LDLRAD2: variants seen among roughly 807,000 people sequenced by gnomAD.
LDLRAD2 encodes low-density lipoprotein receptor class A domain-containing protein 2.
LDLRAD2 carries 25 observed loss-of-function variants against 24.9 expected under a neutral mutation model. The observed-to-expected ratio is 1.00, with a 90% CI of 0.73 to 1.40. LDLRAD2 has a LOEUF of 1.40. Among genes scored for constraint, LDLRAD2 ranks in the 40% most tolerant of loss-of-function variants. LDLRAD2 has a pLI of 0.00. For missense variants in LDLRAD2, 391 were observed against 366.2 expected (o/e 1.07, Z -0.55); for synonymous variants, 182 against 166.7 (o/e 1.09, Z -0.71).
intron 3 of LDLRAD2, among the ~76,000 whole-genome samples, chr1:21,819,060 C>G (rs1318321594): frequency 6.6e-6 from 1 of 151,756 alleles, no homozygotes; most frequent in African/African-American, 2.4e-5. Context: ...TTAAGTTCTT[C>G]CCTGACTCCT....
rs1047051210 is a variant in LDLRAD2 at position 21,824,720 on chromosome 1, G to A, written c.*2505G>A. On this transcript the variant is annotated 3_prime_UTR_variant, in exon 5 of 5. Coordinates refer to ENST00000344642, the MANE Select transcript of LDLRAD2 (RefSeq NM_001013693.3). The surrounding 1 kb of genome is among the most constrained non-coding windows in gnomAD (Gnocchi z 5.9). ...CAGTCTCACCTCCTGGAGAAGACAT[G>A]GCCAGGGAAGGCGAGGAAGCCATCA... The A allele has an allele frequency of 6.2e-7, 1 of 1,613,702 alleles. No homozygotes were observed. Among genetic ancestry groups the A allele is most frequent in the Non-Finnish European group, 8.5e-7 (1 of 1,179,856 alleles).
At chr1:21,819,969 G>A (rs2152678917) in intron 3 of LDLRAD2, among the ~76,000 whole-genome samples, 1 of 152,192 alleles carries the variant, frequency 6.6e-6, no homozygotes, top group East Asian at 1.9e-4. Flanking sequence ...TGAGTGGGGA[G>A]GCACTGCACA....
Position 21,824,028 on chromosome 1 carries a change from G to T in LDLRAD2, c.*1813G>T. The stretch of plus-strand genomic sequence containing the variant: ...TGGCTTCAAGTTCTGTCTCCACAGA[G>T]CTCAATACCTGCCTCTCTGCCCATG... On this transcript the variant is annotated 3_prime_UTR_variant, in exon 5 of 5. Coordinates refer to ENST00000344642, the MANE Select transcript of LDLRAD2 (RefSeq NM_001013693.3). The surrounding 1 kb of genome is among the most constrained non-coding windows in gnomAD (Gnocchi z 5.9). The T allele has an allele frequency of 1.6e-6, 2 of 1,219,808 alleles. No homozygotes were observed. Among genetic ancestry groups the T allele is most frequent in the Non-Finnish European group, 2.4e-6 (2 of 845,380 alleles). The allele number at this position is 1,219,808 out of a possible 1,614,324, so 75.6% of individuals were successfully genotyped here.
intron 3 of LDLRAD2, among the ~76,000 whole-genome samples, chr1:21,819,614 A>G (rs2097948051): frequency 1.1e-5 from 1 of 92,596 alleles, no homozygotes; most frequent in South Asian, 4.1e-4. Context: ...AAGTAGAGCC[A>G]TGGTCACTAG....
rs187938808 is a variant in LDLRAD2 at position 21,821,599 on chromosome 1, G to A, written c.793G>A (p.Ala265Thr). Residue 265 changes from alanine to threonine, a missense_variant, in exon 4 of 5, where the codon GCA becomes ACA. Ala to Thr is a moderately conservative substitution (Grantham distance 58, BLOSUM62 0). Coordinates refer to ENST00000344642, the MANE Select transcript of LDLRAD2 (RefSeq NM_001013693.3). ...AGGCAGGGACCCCACGAGACAAGAC[G>A]CAGCTTTGGAAGGTTACACCTTGCT... ...PAGRDPTRQD[A>T]ALEGSTE 4.3e-5 allele frequency: 70 copies of A among 1,613,908 alleles called. No individual in the cohort carries two copies. The highest frequency in any genetic ancestry group is 5.2e-5 in the Non-Finnish European group (61 of 1,179,906).
intron 3 of LDLRAD2, among the ~76,000 whole-genome samples, chr1:21,820,829 CT>C (rs2097950469): frequency 6.6e-6 from 1 of 152,238 alleles, no homozygotes; most frequent in African/African-American, 2.4e-5. Context: ...AAACCTCACC[CT>C]TCAGAGTTGT....
intron 3 of LDLRAD2, among the ~76,000 whole-genome samples, chr1:21,818,304 A>ATG (rs1346704497): frequency 1.6e-4 from 24 of 151,978 alleles, no homozygotes; most frequent in African/African-American, 4.3e-4. Context: ...GAGCCTCCGC[A>ATG]CCCGGCCTCA....
At chr1:21,817,677 A>C (rs1436042954) in intron 3 of LDLRAD2, among the ~76,000 whole-genome samples, 1 of 151,942 alleles carries the variant, frequency 6.6e-6, no homozygotes, top group Admixed American at 6.6e-5. Flanking sequence ...AGTACAGAAA[A>C]TTCTCATATA....
chr1:21,814,479 A>G lies in LDLRAD2; in HGVS notation c.167A>G (p.Tyr56Cys), dbSNP rs762902758. ...TCGCACGCCGCATCGCGCAGGTTCT[A>G]CTTCGTGGCTCCGGACACCGACTGC... ...LRSHAASRRF[Y>C]FVAPDTDCGL... Residue 56 changes from tyrosine to cysteine, a missense_variant, in exon 2 of 5, where the codon TAC becomes TGC. By Grantham distance (194) the Tyr-to-Cys change is radical (BLOSUM62 -2). Transcript: ENST00000344642. 13 of 1,612,318 alleles carry G rather than the reference A, an allele frequency of 8.1e-6. No individual in the cohort carries two copies. In the Admixed American group the frequency reaches 2.0e-4, roughly 25 times the overall value.
rs202212506 is a variant in LDLRAD2, at chr1:21,815,981, T to C, written c.550T>C (p.Cys184Arg). Reference protein sequence around the residue: ...GAYFRCQNGRCIPSSLVCDPW... With the variant: ...GAYFRCQNGRRIPSSLVCDPW... ...CTACTTCCGCTGCCAGAATGGCAGGTGCATCCCCTCAAGCCTCGTGTGTGA... is the reference window on the plus strand; with the variant it reads ...CTACTTCCGCTGCCAGAATGGCAGGCGCATCCCCTCAAGCCTCGTGTGTGA... The change falls in exon 3 of 5, where the codon TGC becomes CGC. Residue 184 changes from cysteine (C) to arginine (R), a missense_variant. Coordinates refer to ENST00000344642, the MANE Select transcript of LDLRAD2 (RefSeq NM_001013693.3). 12 of 1,610,786 alleles carry C rather than the reference T, an allele frequency of 7.4e-6. No individual in the cohort carries two copies. The highest frequency in any genetic ancestry group is 1.7e-5 in the Admixed American group (1 of 59,762).
Position 21,823,831 on chromosome 1 carries a change from T to C in LDLRAD2, c.*1616T>C. 1.2e-6 allele frequency: 1 copy of C among 864,800 alleles called. No homozygotes were observed. Among genetic ancestry groups the C allele is most frequent in the African/African-American group, 1.6e-5 (1 of 60,664 alleles). 53.6% of individuals were successfully genotyped at this position (864,800 alleles called of 1,614,324 possible). A position where few individuals can be genotyped will look rare whatever the true frequency, so the allele number is the denominator to read the frequency against. ...GACTCCAGACTCAGAAGTCTGTCCC[T>C]GTTTCCCAAGCTCTTTCTTTCCCCC... On this transcript the variant is annotated 3_prime_UTR_variant, in exon 5 of 5. Transcript: ENST00000344642.
At chr1:21,821,228 G>A (rs2097951380) in intron 3 of LDLRAD2, among the ~76,000 whole-genome samples, 1 of 152,130 alleles carries the variant, frequency 6.6e-6, no homozygotes. Context: ...CTCTTCCTTG[G>A]GAAGTAGCTC....
rs759726352 is a variant in LDLRAD2, at chr1:21,815,959, C to A, written c.528C>A (p.Tyr176Ter). 2 of 1,614,056 alleles carry A rather than the reference C, an allele frequency of 1.2e-6. No homozygotes were observed. The highest frequency in any genetic ancestry group is 4.5e-5 in the East Asian group (2 of 44,884). The change falls in exon 3 of 5, where the codon TAC becomes TAA. Residue 176 changes from tyrosine (Y) to a stop codon, truncating the protein, a stop_gained. Transcript: ENST00000344642. LOFTEE classifies it high-confidence loss of function. ...TGGCCTCAGGACCTTGTGGTGCCTACTTCCGCTGCCAGAATGGCAGGTGCA... is the reference window on the plus strand; with the variant it reads ...TGGCCTCAGGACCTTGTGGTGCCTAATTCCGCTGCCAGAATGGCAGGTGCA... The part of the protein sequence containing the change: ...TSFRLGPCGA[Y>*]FRCQNGRCIP...
chr1:21,824,400 T>TGGGGTCCCC lies in LDLRAD2; in HGVS notation c.*2186_*2194dup. 1 of 1,613,256 alleles carries TGGGGTCCCC rather than the reference T, an allele frequency of 6.2e-7. No homozygotes were observed. ...TCCTGCCAGGGAAGCACAGGGTCTC[T>TGGGGTCCCC]GGGGTCCCCAGCCTGGAGAGCAGAG... On this transcript the variant is annotated 3_prime_UTR_variant, in exon 5 of 5. Coordinates refer to ENST00000344642, the MANE Select transcript of LDLRAD2 (RefSeq NM_001013693.3). This position sits in a 1 kb window ranked among gnomAD's most constrained non-coding sequence, Gnocchi z 5.9.
At chr1:21,818,493 T>C (rs1312987311) in intron 3 of LDLRAD2, among the ~76,000 whole-genome samples, 2 of 152,202 alleles carry the variant, frequency 1.3e-5, no homozygotes. Flanking sequence ...AGAGTTACAG[T>C]TCACAGAGGT....
chr1:21,824,383 G>A lies in LDLRAD2; in HGVS notation c.*2168G>A. The A allele has an allele frequency of 6.2e-7, 1 of 1,613,752 alleles. No homozygotes were observed. Among genetic ancestry groups the A allele is most frequent in the South Asian group, 1.1e-5 (1 of 91,088 alleles). ...GGCCGGCCTCTCCCACCTCCTGCCAGGGAAGCACAGGGTCTCTGGGGTCCC... is the reference window on the plus strand; with the variant it reads ...GGCCGGCCTCTCCCACCTCCTGCCAAGGAAGCACAGGGTCTCTGGGGTCCC... On this transcript the variant is annotated 3_prime_UTR_variant, in exon 5 of 5. Transcript: ENST00000344642. The surrounding 1 kb of genome is among the most constrained non-coding windows in gnomAD (Gnocchi z 5.9).
intron 4 of LDLRAD2, 160 bp from the exon 5 acceptor site, chr1:21,822,042 T>C: frequency 6.8e-7 from 1 of 1,464,498 alleles, no homozygotes; most frequent in Non-Finnish European, 9.0e-7. Flanking sequence ...GCTCTCTGTC[T>C]GATGTTGGAC....
Position 21,824,665 on chromosome 1 carries a change from C to T in LDLRAD2, c.*2450C>T. On this transcript the variant is annotated 3_prime_UTR_variant, in exon 5 of 5. Transcript: ENST00000344642. The surrounding 1 kb of genome is among the most constrained non-coding windows in gnomAD (Gnocchi z 5.9). ...GACAGAAGTCCCAGATTCCCATCCT[C>T]CCCATTAGGCCCATGGGCCCTTCCA... 6.2e-7 allele frequency: 1 copy of T among 1,613,234 alleles called. No homozygotes were observed. The highest frequency in any genetic ancestry group is 8.5e-7 in the Non-Finnish European group (1 of 1,179,526).
At position 21,823,642 on chromosome 1, in the gene LDLRAD2, A is replaced by C; in HGVS notation, c.*1427A>C. On this transcript the variant is annotated 3_prime_UTR_variant, in exon 5 of 5. Transcript: ENST00000344642. ...GATGTAGACGCTGCCCTTGGCGTTG[A>C]CTGCCACGTTGGGACCTGGGGACCG... 6.2e-7 allele frequency: 1 copy of C among 1,613,800 alleles called. No individual in the cohort carries two copies. The highest frequency in any genetic ancestry group is 8.5e-7 in the Non-Finnish European group (1 of 1,179,984).
Sources: allele counts gnomAD v4.1 joint callset (sites outside exome capture counted in the v4.1 genomes callset), GRCh38; gene constraint gnomAD v4.1.1; non-coding constraint Gnocchi (gnomAD v3.1); transcripts MANE v1.5; gene names NCBI Gene and HGNC (gene_info 2026-07-23, HGNC 2026-07-21).